Variants in LRRTM4 observed in about 807,000 individuals in gnomAD.
The protein encoded by LRRTM4 is leucine rich repeat transmembrane neuronal 4, also known as leucine-rich repeat transmembrane neuronal protein 4.
A neutral mutation model predicts 47.6 loss-of-function variants in LRRTM4; 25 were observed. That is an observed-to-expected ratio of 0.53 (90% CI 0.38 to 0.73). LRRTM4 has a LOEUF of 0.73. Ranked by LOEUF, LRRTM4 falls within the 30% of genes least tolerant of loss-of-function variation. The pLI, the probability that LRRTM4 is intolerant of heterozygous loss-of-function variation, is 0.00. For synonymous variants in LRRTM4, 311 were observed against 269.5 expected (o/e 1.15, Z -1.51); for missense variants, 638 against 713.4 (o/e 0.89, Z 1.20).
intron 3 of LRRTM4, among the ~76,000 whole-genome samples, chr2:76,913,439 A>G (rs1674139490): frequency 6.6e-6 from 1 of 151,934 alleles, no homozygotes; most frequent in Admixed American, 6.6e-5. Flanking sequence ...GTTAATTGGA[A>G]ACCTTTACAT....
intron 3 of LRRTM4, among the ~76,000 whole-genome samples, chr2:77,219,949 C>T (rs1339936886): frequency 6.6e-6 from 1 of 152,156 alleles, no homozygotes; most frequent in African/African-American, 2.4e-5. Flanking sequence ...AACTGGGAGG[C>T]ACCCCCCAGT....
At chr2:76,894,611 G>A (rs1014945819) in intron 3 of LRRTM4, among the ~76,000 whole-genome samples, 3 of 151,846 alleles carry the variant, frequency 2.0e-5, no homozygotes, top group Non-Finnish European at 4.4e-5. Context: ...TCTAGGATGG[G>A]CAAAGGCTCT....
intron 3 of LRRTM4, among the ~76,000 whole-genome samples, chr2:77,182,610 A>G (rs1420928261): frequency 6.6e-6 from 1 of 152,158 alleles, no homozygotes; most frequent in African/African-American, 2.4e-5. Context: ...TTTTCTAGAT[A>G]TACAATCATG....
intron 3 of LRRTM4, among the ~76,000 whole-genome samples, chr2:76,802,524 G>A (rs969019865): frequency 3.3e-5 from 5 of 152,044 alleles, no homozygotes; most frequent in Non-Finnish European, 5.9e-5. Flanking sequence ...AATGGAAACC[G>A]GAAAAATGTC....
intron 3 of LRRTM4, among the ~76,000 whole-genome samples, chr2:77,151,577 C>T (rs1335026244): frequency 1.3e-5 from 2 of 152,110 alleles, no homozygotes; most frequent in Non-Finnish European, 2.9e-5. Context: ...TATAAACATA[C>T]AGTGGAATAT....
At chr2:76,779,649 A>G (rs377521299) in intron 3 of LRRTM4, among the ~76,000 whole-genome samples, 68 of 151,264 alleles carry the variant, frequency 4.5e-4, no homozygotes, top group South Asian at 1.3e-3. Flanking sequence ...TTGAGCCTAT[A>G]TGTGTCTCTG....
chr2:77,250,429 T>A (rs1675572047), intron 3 of LRRTM4, among the ~76,000 whole-genome samples: 1 of 152,088 alleles, frequency 6.6e-6, no homozygotes, highest in African/African-American at 2.4e-5. Context: ...ATATGGGAAA[T>A]CTCTGTAACT....
At chr2:77,248,574 C>T (rs1675514853) in intron 3 of LRRTM4, among the ~76,000 whole-genome samples, 1 of 151,918 alleles carries the variant, frequency 6.6e-6, no homozygotes, top group African/African-American at 2.4e-5. Context: ...AGATAAAAGA[C>T]ACTGAATAGC....
chr2:77,098,970 A>C (rs1670880051), intron 3 of LRRTM4, among the ~76,000 whole-genome samples: 1 of 151,986 alleles, frequency 6.6e-6, no homozygotes, highest in African/African-American at 2.4e-5. Flanking sequence ...TAAAAGTCTG[A>C]AAGTGTCAAA....
chr2:77,080,400 C>T (rs987714374), intron 3 of LRRTM4, among the ~76,000 whole-genome samples: 1 of 152,148 alleles, frequency 6.6e-6, no homozygotes, highest in Admixed American at 6.6e-5. Context: ...ACTGAAGTCT[C>T]TTTTATAAGT....
intron 3 of LRRTM4, among the ~76,000 whole-genome samples, chr2:76,875,847 G>A (rs1048596516): frequency 3.9e-5 from 6 of 152,118 alleles, no homozygotes; most frequent in Non-Finnish European, 8.8e-5. Context: ...AATGTGTTGT[G>A]GGACTGGGGA....
chr2:77,399,829 G>T (rs1194911057), intron 3 of LRRTM4, among the ~76,000 whole-genome samples: 1 of 151,828 alleles, frequency 6.6e-6, no homozygotes, highest in Non-Finnish European at 1.5e-5. Flanking sequence ...AATTGGAAAA[G>T]ATGTGCATTG....
At chr2:77,028,305 C>T (rs55800138) in intron 3 of LRRTM4, among the ~76,000 whole-genome samples, 1 of 151,872 alleles carries the variant, frequency 6.6e-6, no homozygotes, top group Non-Finnish European at 1.5e-5. Context: ...ACATCAGAAG[C>T]CAAAAGCATG....
intron 3 of LRRTM4, among the ~76,000 whole-genome samples, chr2:77,025,579 C>T (rs935479718): frequency 6.6e-6 from 1 of 152,074 alleles, no homozygotes; most frequent in African/African-American, 2.4e-5. Context: ...AATCATCATC[C>T]AAATAAATAA....
intron 3 of LRRTM4, among the ~76,000 whole-genome samples, chr2:77,278,170 A>T (rs1376174711): frequency 1.3e-5 from 2 of 152,016 alleles, no homozygotes; most frequent in African/African-American, 4.8e-5. Flanking sequence ...GCACGTCTTC[A>T]GTCCTGCTCA....
At chr2:77,110,419 G>A (rs1671218782) in intron 3 of LRRTM4, among the ~76,000 whole-genome samples, 1 of 152,096 alleles carries the variant, frequency 6.6e-6, no homozygotes, top group Admixed American at 6.5e-5. Context: ...ATTATTTAGG[G>A]AGAATAAAAT....
intron 3 of LRRTM4, among the ~76,000 whole-genome samples, chr2:77,176,075 T>C (rs1673190188): frequency 6.6e-6 from 1 of 152,166 alleles, no homozygotes; most frequent in Non-Finnish European, 1.5e-5. Flanking sequence ...ATTTAAGTTC[T>C]TTCGAACACC....
At chr2:76,964,807 A>G (rs1038401623) in intron 3 of LRRTM4, among the ~76,000 whole-genome samples, 4 of 150,820 alleles carry the variant, frequency 2.7e-5, no homozygotes, top group East Asian at 2.0e-4. Context: ...ACAATTAATA[A>G]AGAGAGAGAG....
intron 3 of LRRTM4, chr2:77,517,462 C>T (rs939496176): frequency 2.0e-6 from 2 of 984,896 alleles, no homozygotes; most frequent in African/African-American, 3.5e-5. Flanking sequence ...GTTATGACTG[C>T]CATTTTATTA....
Sources: gnomAD v4.1 joint callset for allele counts (sites outside exome capture counted in the v4.1 genomes callset) on GRCh38, gnomAD v4.1.1 for gene constraint, MANE v1.5 for transcripts, NCBI Gene and HGNC (gene_info 2026-07-23, HGNC 2026-07-21) for gene names.